EPB41L5: variants seen among roughly 807,000 people sequenced by gnomAD.
The protein encoded by EPB41L5 is band 4.1-like protein 5.
A neutral mutation model predicts 106.6 loss-of-function variants in EPB41L5; 55 were observed. The observed-to-expected ratio is 0.52, with a 90% CI of 0.42 to 0.65. The LOEUF (loss-of-function observed/expected upper bound fraction) is 0.65. EPB41L5 is among the 30% of genes least tolerant of loss of function. EPB41L5 has a pLI of 0.00. For synonymous variants in EPB41L5, 297 were observed against 306.7 expected (o/e 0.97, Z 0.33); for missense variants, 871 against 882.1 (o/e 0.99, Z 0.16).
chr2:120,058,122 C>CAAAAAAAAA (rs1326277424), intron 3 of EPB41L5, among the ~76,000 whole-genome samples: 1 of 151,998 alleles, frequency 6.6e-6, no homozygotes, highest in Admixed American at 6.5e-5. Flanking sequence ...TATGGTTTCT[C>CAAAAAAAAA]TCATTTAAAA....
At chr2:120,022,021 GT>G (rs1677964399) in intron 2 of EPB41L5, among the ~76,000 whole-genome samples, 1 of 152,018 alleles carries the variant, frequency 6.6e-6, no homozygotes, top group Non-Finnish European at 1.5e-5. Context: ...AATGACAAAG[GT>G]ATCAGGTAGA....
Position 120,163,980 on chromosome 2 carries a change from C to CTTTTTTTTTTTTTTTTTTT in EPB41L5, c.1888-854_1888-836dup, listed in dbSNP as rs70949387. Among the ~76,000 whole-genome samples, 2 of 68,150 alleles carry CTTTTTTTTTTTTTTTTTTT rather than the reference C, an allele frequency of 2.9e-5. 1 individual carries two copies. The highest frequency in any genetic ancestry group is 5.4e-5 in the Non-Finnish European group (2 of 36,842). 44.7% of individuals were successfully genotyped at this position (68,150 alleles called of 152,430 possible). Reference sequence around the variant, plus strand: ...ACTTTTTTTTATTTTTTTGTATTTACTTTTTTTTTTTTTTTTTTTTGAGAT... The same window carrying CTTTTTTTTTTTTTTTTTTT: ...ACTTTTTTTTATTTTTTTGTATTTACTTTTTTTTTTTTTTTTTTTTTTTTTTTTTTTTTTTTTTTGAGAT... On this transcript the variant is annotated intron_variant, in intron 21 of 24. Transcript: ENST00000263713.
chr2:120,084,451 C>T (rs1389115661), intron 10 of EPB41L5, among the ~76,000 whole-genome samples: 2 of 152,162 alleles, frequency 1.3e-5, no homozygotes, highest in African/African-American at 2.4e-5. Context: ...TGAGTATTGG[C>T]CCCTAGTCTC....
intron 20 of EPB41L5, among the ~76,000 whole-genome samples, chr2:120,149,026 A>C (rs570541838): frequency 6.6e-6 from 1 of 152,104 alleles, no homozygotes; most frequent in Non-Finnish European, 1.5e-5. Context: ...GACAGTGCTT[A>C]TTATTCTCCT....
chr2:120,173,541 A>T (rs1364295784), intron 24 of EPB41L5, among the ~76,000 whole-genome samples: 1 of 152,228 alleles, frequency 6.6e-6, no homozygotes, highest in African/African-American at 2.4e-5. Context: ...AAATACCAGG[A>T]AAAGAATCAG....
At chr2:120,055,558 G>A (rs554362111) in intron 3 of EPB41L5, among the ~76,000 whole-genome samples, 6 of 131,888 alleles carry the variant, frequency 4.5e-5, no homozygotes, top group African/African-American at 5.9e-5. Flanking sequence ...GTGTGATCTC[G>A]GCTCACTGGA....
At chr2:120,021,217 G>A (rs1677902257) in intron 2 of EPB41L5, among the ~76,000 whole-genome samples, 1 of 152,160 alleles carries the variant, frequency 6.6e-6, no homozygotes, top group Non-Finnish European at 1.5e-5. Context: ...GCATGCGCCT[G>A]TAGTCCCAGC....
At chr2:120,021,419 C>T (rs938511400) in intron 2 of EPB41L5, among the ~76,000 whole-genome samples, 4 of 151,594 alleles carry the variant, frequency 2.6e-5, no homozygotes, top group African/African-American at 7.3e-5. Flanking sequence ...CCGAGGTGGG[C>T]GGATCACAAG....
At chr2:120,060,656 GTTC>G (rs1241963521) in intron 3 of EPB41L5, among the ~76,000 whole-genome samples, 1 of 152,142 alleles carries the variant, frequency 6.6e-6, no homozygotes, top group Non-Finnish European at 1.5e-5. Context: ...ATGTGAGAGA[GTTC>G]TTCGTGATAA....
intron 3 of EPB41L5, among the ~76,000 whole-genome samples, chr2:120,051,466 A>G (rs747082061): frequency 6.6e-6 from 1 of 152,228 alleles, no homozygotes; most frequent in Non-Finnish European, 1.5e-5. Context: ...GGCACAGGAT[A>G]TAATTTCCTG....
Position 120,077,334 on chromosome 2 carries a change from A to C in EPB41L5, c.714+18A>C, listed in dbSNP as rs765047751. 3.8e-6 allele frequency: 6 copies of C among 1,591,854 alleles called. No homozygotes were observed. The highest frequency in any genetic ancestry group is 1.3e-5 in the African/African-American group (1 of 74,076). ...TGGTCAAGGTAAGCATTGTGTTGTGATGCTTTTTTAAAAATTTATTCTTTG... is the reference window on the plus strand; with the variant it reads ...TGGTCAAGGTAAGCATTGTGTTGTGCTGCTTTTTTAAAAATTTATTCTTTG... On this transcript the variant is annotated intron_variant, in intron 9 of 24. Transcript: ENST00000263713.
chr2:120,047,346 G>A (rs1679860228), intron 3 of EPB41L5, among the ~76,000 whole-genome samples: 1 of 152,070 alleles, frequency 6.6e-6, no homozygotes, highest in Non-Finnish European at 1.5e-5. Context: ...TTGAGCAGTG[G>A]TTTGTAGTTC....
At chr2:120,037,130 G>A (rs116506468) in intron 2 of EPB41L5, among the ~76,000 whole-genome samples, 3 of 151,838 alleles carry the variant, frequency 2.0e-5, no homozygotes, top group African/African-American at 7.2e-5. Context: ...AGTTAGCAAT[G>A]ATCTGAAAAC....
chr2:120,174,742 TG>T, intron 24 of EPB41L5, 98 bp from the exon 25 acceptor site: 1 of 994,764 alleles, frequency 1.0e-6, no homozygotes, highest in Non-Finnish European at 1.6e-6. Context: ...TGTAATCTGC[TG>T]TACCCTCAAA....
chr2:120,124,845 A>T (rs1468077114), intron 16 of EPB41L5, among the ~76,000 whole-genome samples: 2 of 152,070 alleles, frequency 1.3e-5, no homozygotes, highest in Non-Finnish European at 2.9e-5. Flanking sequence ...ATGTCTCTCA[A>T]CTTAGATTTG....
intron 10 of EPB41L5, 32 bp downstream of exon 10, chr2:120,078,613 T>A: frequency 6.7e-7 from 1 of 1,482,374 alleles, no homozygotes; most frequent in Non-Finnish European, 9.3e-7. Context: ...AGATACTTAC[T>A]GTTGTTTTGG....
At chr2:120,085,805 T>C (rs1683016584) in intron 10 of EPB41L5, among the ~76,000 whole-genome samples, 1 of 152,196 alleles carries the variant, frequency 6.6e-6, no homozygotes, top group South Asian at 2.1e-4. Flanking sequence ...TGGGCAAATG[T>C]AACATGCTTC....
chr2:120,030,706 A>G (rs1678649294), intron 2 of EPB41L5, among the ~76,000 whole-genome samples: 1 of 150,760 alleles, frequency 6.6e-6, no homozygotes, highest in Non-Finnish European at 1.5e-5. Context: ...GGCACATGCC[A>G]CTATGCCCGG....
At chr2:120,089,028 A>G (rs749125654) in intron 11 of EPB41L5, among the ~76,000 whole-genome samples, 1 of 151,940 alleles carries the variant, frequency 6.6e-6, no homozygotes, top group Admixed American at 6.6e-5. Context: ...CCCTTTTTCC[A>G]CCACTTTTAT....
Sources: allele counts gnomAD v4.1 joint callset (sites outside exome capture counted in the v4.1 genomes callset), GRCh38; gene constraint gnomAD v4.1.1; transcripts MANE v1.5; gene names NCBI Gene and HGNC (gene_info 2026-07-23, HGNC 2026-07-21).